The following TAMM41 variants were observed in gnomAD, a reference collection of about 807,000 sequenced individuals.
TAMM41 encodes the protein phosphatidate cytidylyltransferase, mitochondrial.
Under a neutral mutation model 44.1 loss-of-function variants are expected in TAMM41, and 36 were observed. That is an observed-to-expected ratio of 0.82 (90% CI 0.63 to 1.08). The LOEUF (loss-of-function observed/expected upper bound fraction) is 1.08. Among genes scored for constraint, TAMM41 ranks in the 50% least tolerant of loss-of-function variants. The probability of loss-of-function intolerance (pLI) is 0.00; values close to 1 mark genes in which losing one functional copy is unlikely to be tolerated. For synonymous variants in TAMM41, 164 were observed against 153.1 expected (o/e 1.07, Z -0.53); for missense variants, 417 against 404.3 (o/e 1.03, Z -0.27).
chr3:11,780,012 C>T, the TAMM41 span, among the ~76,000 whole-genome samples: 8 of 152,192 alleles, frequency 5.3e-5, no homozygotes, highest in African/African-American at 1.9e-4. Context: ...GGTCCATTCT[C>T]AGTGATCCTG....
intron 1 of TAMM41, chr3:11,844,994 G>C (rs1365987934): frequency 4.4e-6 from 2 of 456,146 alleles, no homozygotes; most frequent in Admixed American, 2.4e-5. Context: ...AGACTTGCTG[G>C]AAGCACTGGG....
the TAMM41 span, among the ~76,000 whole-genome samples, chr3:11,764,486 C>CTTTTTTTTTTTTTGTTTTTTTTT: frequency 1.5e-5 from 1 of 68,128 alleles, no homozygotes; most frequent in African/African-American, 6.8e-5. Context: ...TAATCTTATT[C>CTTTTTTTTTTTTTGTTTTTTTTT]TTTTTTTTTT....
the TAMM41 span, among the ~76,000 whole-genome samples, chr3:11,775,285 C>A: frequency 1.3e-5 from 2 of 152,128 alleles, no homozygotes; most frequent in African/African-American, 2.4e-5. Flanking sequence ...ATAACTATCA[C>A]TGAAGGACCA....
the TAMM41 span, among the ~76,000 whole-genome samples, chr3:11,742,434 C>T: frequency 6.0e-5 from 9 of 150,258 alleles, no homozygotes; most frequent in East Asian, 1.9e-4. Flanking sequence ...TTCCTTTTGT[C>T]GCGGAGGAAT....
At chr3:11,843,689 C>T (rs2079547530) in intron 2 of TAMM41, 1 of 199,202 alleles carries the variant, frequency 5.0e-6, no homozygotes, top group Non-Finnish European at 1.0e-5. Context: ...GCACTCCAGC[C>T]TGGGCAACAA....
chr3:11,725,336 CTTCTCCTCCTCCTCCT>C, the TAMM41 span, among the ~76,000 whole-genome samples: 5 of 68,086 alleles, frequency 7.3e-5, no homozygotes, highest in Non-Finnish European at 1.5e-4. Flanking sequence ...TCCTTTTTTT[CTTCTCCTCCTCCTCCT>C]TTTTTTTCTT....
At chr3:11,803,726 A>G (rs998359860) in intron 7 of TAMM41, among the ~76,000 whole-genome samples, 1 of 151,994 alleles carries the variant, frequency 6.6e-6, no homozygotes, top group Non-Finnish European at 1.5e-5. Context: ...ATCTACATCT[A>G]TATCTCACCT....
At position 11,807,819 on chromosome 3, in the gene TAMM41, T is replaced by G. The variant is rs560578201; in HGVS notation, c.937+14A>C. ...TCAGCAGGTATGTTACACACGGATTTCCAAAGCTCTTACCAGCAGTAAAAA... is the reference window on the plus strand; with the variant it reads ...TCAGCAGGTATGTTACACACGGATTGCCAAAGCTCTTACCAGCAGTAAAAA... On this transcript the variant is annotated intron_variant, in intron 7 of 7. Transcript: ENST00000455809. The G allele has an allele frequency of 6.5e-7, 1 of 1,536,092 alleles. No individual in the cohort carries two copies. Among genetic ancestry groups the G allele is most frequent in the African/African-American group, 1.4e-5 (1 of 73,132 alleles).
intron 7 of TAMM41, among the ~76,000 whole-genome samples, chr3:11,799,294 C>A (rs1159225058): frequency 1.3e-5 from 2 of 152,196 alleles, no homozygotes; most frequent in Non-Finnish European, 2.9e-5. Context: ...CAAACATAAT[C>A]TTCACAACCT....
At chr3:11,726,524 G>A in the TAMM41 span, among the ~76,000 whole-genome samples, 3 of 152,192 alleles carry the variant, frequency 2.0e-5, no homozygotes, top group Non-Finnish European at 2.9e-5. Context: ...GAACCTGGCC[G>A]GGTGCAGTGG....
At chr3:11,835,359 A>C (rs2079134837) in intron 3 of TAMM41, among the ~76,000 whole-genome samples, 1 of 152,238 alleles carries the variant, frequency 6.6e-6, no homozygotes, top group Non-Finnish European at 1.5e-5. Context: ...CAATTAAAAA[A>C]AAAATATGTT....
Position 11,809,559 on chromosome 3 carries a change from G to C in TAMM41, c.832C>G (p.Gln278Glu), listed in dbSNP as rs2078023389. 1.2e-6 allele frequency: 2 copies of C among 1,613,956 alleles called. No individual in the cohort carries two copies. The highest frequency in any genetic ancestry group is 2.7e-5 in the African/African-American group (2 of 74,884). Residue 278 changes from glutamine (Q) to glutamate (E), a missense_variant, in exon 6 of 8, where the codon CAA (glutamine) becomes GAA (glutamate). Coordinates refer to ENST00000455809, the MANE Select transcript of TAMM41 (RefSeq NM_001284401.2). ...KNRDVEETLF[Q>E]VAHDPDCGDV... Reference sequence around the variant, plus strand: ...CCACAGTCGGGATCATGAGCCACTTGGAATAAAGTTTCTTCCACATCTCTG... The same window carrying C: ...CCACAGTCGGGATCATGAGCCACTTCGAATAAAGTTTCTTCCACATCTCTG...
At chr3:11,764,450 G>A in the TAMM41 span, among the ~76,000 whole-genome samples, 3 of 148,910 alleles carry the variant, frequency 2.0e-5, no homozygotes, top group Non-Finnish European at 3.0e-5. Context: ...AAGGCCCAGG[G>A]TAACCAGCAA....
At chr3:11,793,084 A>G (rs989956678) in intron 7 of TAMM41, among the ~76,000 whole-genome samples, 3 of 139,574 alleles carry the variant, frequency 2.1e-5, no homozygotes, top group Non-Finnish European at 4.7e-5. Flanking sequence ...AAAAAAAAAA[A>G]GAGAGTGAAA....
At chr3:11,836,821 G>A (rs1273996259) in intron 3 of TAMM41, among the ~76,000 whole-genome samples, 1 of 152,106 alleles carries the variant, frequency 6.6e-6, no homozygotes, top group East Asian at 1.9e-4. Context: ...AAAAACCCTT[G>A]GAAATAAAAT....
the TAMM41 span, among the ~76,000 whole-genome samples, chr3:11,728,443 A>T: frequency 1.3e-5 from 2 of 152,260 alleles, no homozygotes; most frequent in Admixed American, 1.3e-4. Flanking sequence ...CAAGGTTCAA[A>T]TATTTGCAAA....
intron 3 of TAMM41, among the ~76,000 whole-genome samples, chr3:11,835,291 C>T (rs1444766975): frequency 6.6e-6 from 1 of 152,058 alleles, no homozygotes; most frequent in African/African-American, 2.4e-5. Context: ...GTGATTTCCA[C>T]ATGTTGAAAA....
the TAMM41 span, among the ~76,000 whole-genome samples, chr3:11,777,531 C>T: frequency 3.9e-5 from 6 of 152,192 alleles, no homozygotes; most frequent in Non-Finnish European, 8.8e-5. Flanking sequence ...CGGTGGCTCA[C>T]GCCTGTAATC....
At chr3:11,783,429 A>C in the TAMM41 span, among the ~76,000 whole-genome samples, 12 of 151,872 alleles carry the variant, frequency 7.9e-5, no homozygotes, top group East Asian at 1.6e-3. Context: ...TTTTCCCAGG[A>C]TCACCTGGCT....
Sources: allele counts gnomAD v4.1 joint callset (sites outside exome capture counted in the v4.1 genomes callset), GRCh38; gene constraint gnomAD v4.1.1; transcripts MANE v1.5; gene names NCBI Gene and HGNC (gene_info 2026-07-23, HGNC 2026-07-21).